MAST3: variants seen among roughly 807,000 people sequenced by gnomAD.
MAST3 encodes the protein microtubule associated serine/threonine kinase 3, also known as microtubule-associated serine/threonine-protein kinase 3.
A neutral mutation model predicts 127.0 loss-of-function variants in MAST3; 43 were observed. The observed-to-expected ratio is 0.34, with a 90% CI of 0.27 to 0.44. MAST3 has a LOEUF of 0.44. Among genes scored for constraint, MAST3 ranks in the 20% least tolerant of loss-of-function variants. MAST3 has a pLI of 1.00. For synonymous variants in MAST3, 785 were observed against 809.2 expected (o/e 0.97, Z 0.51); for missense variants, 1,390 against 1,919.1 (o/e 0.72, Z 5.15).
Position 18,134,865 on chromosome 19 carries a change from G to A in MAST3, c.1753G>A (p.Gly585Ser), listed in dbSNP as rs763096566. The A allele has an allele frequency of 1.2e-6, 2 of 1,614,008 alleles. No homozygotes were observed. The highest frequency in any genetic ancestry group is 2.2e-5 in the South Asian group (2 of 91,082). Residue 585 changes from glycine to serine, a missense_variant, in exon 17 of 28, where the codon GGC becomes AGC. Transcript: ENST00000687212. ...AGCCCCCGAGGTGATCTTCCGCCAG[G>A]GCTATGGGAAGCCAGTGGACTGGTG... is the stretch of plus-strand genomic sequence containing the variant. ...YIAPEVIFRQ[G>S]YGKPVDWWAM...
In MAST3 at chr19:18,149,356, C is replaced by T; in HGVS notation, c.3674C>T (p.Ser1225Phe). Reference sequence around the variant, plus strand: ...AAGTCCACCAGCAGCATCCCGCCCTCCCCGCTGGCCTGCCCGCCCATCTCC... The same window carrying T: ...AAGTCCACCAGCAGCATCCCGCCCTTCCCGCTGGCCTGCCCGCCCATCTCC... Reference protein sequence around the residue: ...RRKSTSSIPPSPLACPPISAP... With the variant: ...RRKSTSSIPPFPLACPPISAP... Residue 1225 changes from serine (S) to phenylalanine (F), a missense_variant, in exon 28 of 28, where the codon TCC becomes TTC. This residue lies in a region of MAST3 where 816 missense variants were observed against 934.1 expected (regional missense o/e 0.87). Coordinates refer to ENST00000687212, the MANE Select transcript of MAST3 (RefSeq NM_001393504.1). The surrounding 1 kb of genome is among the most constrained non-coding windows in gnomAD (Gnocchi z 5.9). 1 of 1,505,854 alleles carries T rather than the reference C, an allele frequency of 6.6e-7. No homozygotes were observed. The highest frequency in any genetic ancestry group is 8.8e-7 in the Non-Finnish European group (1 of 1,130,528). The allele number at this position is 1,505,854 out of a possible 1,614,324, so 93.3% of individuals were successfully genotyped here. A position where few individuals can be genotyped will look rare whatever the true frequency, so the allele number is the denominator to read the frequency against.
chr19:18,145,979 C>G lies in MAST3; in HGVS notation c.3162+114C>G. ...CACAACCCCACATTCAATGTCAACT[C>G]CAGGCCTGGCACATCCACTTCCTTC... On this transcript the variant is annotated intron_variant, in intron 25 of 27. Coordinates refer to ENST00000687212, the MANE Select transcript of MAST3 (RefSeq NM_001393504.1). The surrounding 1 kb of genome is among the most constrained non-coding windows in gnomAD (Gnocchi z 5.9). The G allele has an allele frequency of 7.8e-7, 1 of 1,288,384 alleles. No homozygotes were observed. Among genetic ancestry groups the G allele is most frequent in the Non-Finnish European group, 1.0e-6 (1 of 967,670 alleles). 79.8% of individuals were successfully genotyped at this position (1,288,384 alleles called of 1,614,324 possible).
At position 18,130,478 on chromosome 19, in the gene MAST3, G is replaced by T; in HGVS notation, c.1224-16G>T. ...CTCGATCTCCGGTCCCAGCAAGCCT[G>T]GCCCTCTGTCCCCAGGGCCGTCTAC... On this transcript the variant is annotated splice_polypyrimidine_tract_variant and intron_variant, in intron 13 of 27. Transcript: ENST00000687212. The T allele has an allele frequency of 6.3e-7, 1 of 1,579,798 alleles. No homozygotes were observed. Among genetic ancestry groups the T allele is most frequent in the Non-Finnish European group, 8.6e-7 (1 of 1,162,516 alleles).
intron 19 of MAST3, among the ~76,000 whole-genome samples, chr19:18,138,794 C>T (rs944454910): frequency 3.9e-5 from 6 of 152,128 alleles, no homozygotes; most frequent in Non-Finnish European, 7.4e-5. Context: ...CCACCGCACC[C>T]GGCCCCACAA....
intron 15 of MAST3, 70 bp downstream of exon 15, chr19:18,132,117 G>T: frequency 6.3e-7 from 1 of 1,586,464 alleles, no homozygotes. Flanking sequence ...CGGGGCCAAA[G>T]AGGATCAGGG....
At chr19:18,124,510 TC>T in intron 10 of MAST3, 131 bp from the exon 11 acceptor site, 2 of 1,372,510 alleles carry the variant, frequency 1.5e-6, no homozygotes, top group South Asian at 1.3e-5. Flanking sequence ...AGCGTGGGCT[TC>T]CCTAAGGAGG....
rs2038504709 is a variant in MAST3 at position 18,110,733 on chromosome 19, C to T, written c.153C>T (p.His51=). The T allele has an allele frequency of 4.1e-6, 4 of 985,688 alleles. No homozygotes were observed. The highest frequency in any genetic ancestry group is 4.8e-6 in the Non-Finnish European group (4 of 829,880). The allele number at this position is 985,688 out of a possible 1,614,324, so 61.1% of individuals were successfully genotyped here. A position where few individuals can be genotyped will look rare whatever the true frequency, so the allele number is the denominator to read the frequency against. Residue 51 remains histidine (H), a synonymous_variant, in exon 3 of 28, where the codon CAC becomes CAT. Transcript: ENST00000687212. This position sits in a 1 kb window ranked among gnomAD's most constrained non-coding sequence, Gnocchi z 4.3. ...CCTGTAGCCCCTCCTTGGGCCTGCA[C>T]CCCTGGAGGTAAGTGACAGCGCGTG... ...CSPCSPSLGL[H]PWSCRSGNRK...
intron 21 of MAST3, among the ~76,000 whole-genome samples, chr19:18,142,461 C>T (rs1356145496): frequency 6.6e-6 from 1 of 150,388 alleles, no homozygotes; most frequent in Non-Finnish European, 1.5e-5. Flanking sequence ...ACGCCATTCT[C>T]CTGCCTCAGC....
At chr19:18,122,900 T>C in intron 6 of MAST3, 149 bp downstream of exon 6, 1 of 948,702 alleles carries the variant, frequency 1.1e-6, no homozygotes, top group Admixed American at 2.1e-5. Flanking sequence ...TTCTGGGAAA[T>C]GCAGGGTCCC....
At chr19:18,116,187 G>A (rs1206359331) in intron 3 of MAST3, among the ~76,000 whole-genome samples, 2 of 137,386 alleles carry the variant, frequency 1.5e-5, no homozygotes, top group African/African-American at 2.7e-5. Context: ...TCCACCTCCC[G>A]GGTACAAGTG....
rs2147811214 is a variant in MAST3, at chr19:18,144,861, C to T, written c.2813-142C>T. ...GGTGTTCCCAGTAGAGGGCACTGCA[C>T]GTGCAAAGGCCTGGTGGGGTGACCA... On this transcript the variant is annotated intron_variant, in intron 23 of 27. Transcript: ENST00000687212. The surrounding 1 kb of genome is among the most constrained non-coding windows in gnomAD (Gnocchi z 4.0). 8.1e-6 allele frequency: 7 copies of T among 863,782 alleles called. No homozygotes were observed. Among genetic ancestry groups the T allele is most frequent in the East Asian group, 5.3e-5 (2 of 37,924 alleles). The allele number at this position is 863,782 out of a possible 1,614,324, so 53.5% of individuals were successfully genotyped here.
chr19:18,132,019 A>G lies in MAST3; in HGVS notation c.1543A>G (p.Ile515Val). Residue 515 changes from isoleucine to valine, a missense_variant, in exon 15 of 28, where the codon ATC (isoleucine) becomes GTC (valine). Ile to Val is a conservative substitution (Grantham distance 29). Transcript: ENST00000687212. ...LALEYLHNYG[I>V]VHRDLKPDNL... ...GCTGGAGTACCTGCATAACTATGGC[A>G]TCGTGCACCGTGACCTCAAACCAGA... is the stretch of plus-strand genomic sequence containing the variant. The G allele has an allele frequency of 6.2e-7, 1 of 1,614,194 alleles. No homozygotes were observed.
intron 1 of MAST3, among the ~76,000 whole-genome samples, chr19:18,100,571 T>G (rs1204008598): frequency 2.6e-5 from 4 of 152,186 alleles, no homozygotes; most frequent in African/African-American, 4.8e-5. Context: ...CCGTTCATAT[T>G]AACAGGCTAA....
intron 18 of MAST3, among the ~76,000 whole-genome samples, chr19:18,136,705 G>T (rs2041927471): frequency 6.6e-6 from 1 of 152,196 alleles, no homozygotes; most frequent in African/African-American, 2.4e-5. Context: ...GGCATTACAG[G>T]CATGAGCCAC....
intron 21 of MAST3, among the ~76,000 whole-genome samples, chr19:18,142,648 C>G (rs1157439896): frequency 2.0e-5 from 3 of 150,930 alleles, no homozygotes; most frequent in Non-Finnish European, 4.4e-5. Context: ...ATGTGCCCGG[C>G]CTTTTTTTTT....
Position 18,144,789 on chromosome 19 carries a change from C to A in MAST3, c.2812+96C>A. ...TGAGTTGGGGAGGCTGGGGATGAGC[C>A]CCAGAAGAGGGGAGGAGGAGTAGGA... On this transcript the variant is annotated intron_variant, in intron 23 of 27. Transcript: ENST00000687212. This position sits in a 1 kb window ranked among gnomAD's most constrained non-coding sequence, Gnocchi z 4.0. 1 of 1,334,222 alleles carries A rather than the reference C, an allele frequency of 7.5e-7. No individual in the cohort carries two copies. Among genetic ancestry groups the A allele is most frequent in the Non-Finnish European group, 1.1e-6 (1 of 946,338 alleles). 82.6% of individuals were successfully genotyped at this position (1,334,222 alleles called of 1,614,324 possible).
rs2041364417 is a variant in MAST3, at chr19:18,132,081, A to G, written c.1571+34A>G. On this transcript the variant is annotated intron_variant, in intron 15 of 27. Transcript: ENST00000687212. ...AGCTAGCATGAGCGGGGCCTCGCGGAGGGCGGGGCCAGAGAGGATCAGGGG... is the reference window on the plus strand; with the variant it reads ...AGCTAGCATGAGCGGGGCCTCGCGGGGGGCGGGGCCAGAGAGGATCAGGGG... 4 of 1,611,710 alleles carry G rather than the reference A, an allele frequency of 2.5e-6. No homozygotes were observed. In the Admixed American group the frequency reaches 6.7e-5, roughly 27 times the overall value.
In MAST3 at chr19:18,145,130, C is replaced by A; in HGVS notation, c.2940C>A (p.Ile980=). The A allele has an allele frequency of 6.2e-7, 1 of 1,613,912 alleles. No homozygotes were observed. The highest frequency in any genetic ancestry group is 8.5e-7 in the Non-Finnish European group (1 of 1,179,894). The change falls in exon 24 of 28, where the codon ATC becomes ATA. Residue 980 remains isoleucine (I), a synonymous_variant. Transcript: ENST00000687212. This position sits in a 1 kb window ranked among gnomAD's most constrained non-coding sequence, Gnocchi z 5.9. The part of the protein sequence containing the change: ...SPVCGSLRPP[I]VIHSSGKKYG... ...TGTGTGGCAGCCTGCGGCCCCCCAT[C>A]GTTATCCACAGCTCTGGCAAGAAGT...
At chr19:18,118,086 C>CG in intron 3 of MAST3, 17 of 985,284 alleles carry the variant, frequency 1.7e-5, no homozygotes, top group Non-Finnish European at 2.0e-5. Context: ...TCCGGCTCCG[C>CG]GGGGCTCCTG....
Sources: allele counts gnomAD v4.1 joint callset (sites outside exome capture counted in the v4.1 genomes callset), GRCh38; gene constraint gnomAD v4.1.1; regional missense constraint gnomAD v4.1.1; non-coding constraint Gnocchi (gnomAD v3.1); transcripts MANE v1.5; gene names NCBI Gene and HGNC (gene_info 2026-07-23, HGNC 2026-07-21).